ICE2: variants seen among roughly 807,000 people sequenced by gnomAD.
The protein encoded by ICE2 is little elongation complex subunit 2.
A neutral mutation model predicts 105.4 loss-of-function variants in ICE2; 87 were observed. The ratio of observed to expected loss-of-function variants is 0.83; its 90% CI spans 0.69 to 0.99. The LOEUF is 0.99. Among genes scored for constraint, ICE2 ranks in the 50% least tolerant of loss-of-function variants. The pLI, the probability that ICE2 is intolerant of heterozygous loss-of-function variation, is 0.00. For synonymous variants in ICE2, 399 were observed against 392.0 expected, an observed-to-expected ratio of 1.02 and a Z score of -0.21; for missense variants, 1,323 against 1,146.7, an observed-to-expected ratio of 1.15 and a Z score of -2.22.
intron 7 of ICE2, 81 bp downstream of exon 7, chr15:60,455,245 A>G: frequency 6.6e-7 from 1 of 1,515,792 alleles, no homozygotes; most frequent in South Asian, 1.2e-5. Context: ...CAGAAAGGGG[A>G]CTTTGGGACA....
At chr15:60,424,239 A>G (rs1262102279) in intron 15 of ICE2, among the ~76,000 whole-genome samples, 3 of 152,070 alleles carry the variant, frequency 2.0e-5, no homozygotes, top group Admixed American at 6.6e-5. Context: ...GAAGATAAGG[A>G]AAGAAAATTG....
intron 2 of ICE2, 104 bp downstream of exon 2, chr15:60,477,833 T>C (rs1265585626): frequency 5.8e-6 from 6 of 1,031,320 alleles, no homozygotes; most frequent in Non-Finnish European, 9.2e-6. Context: ...ACTTGTATTT[T>C]CTGTTTCCTC....
chr15:60,478,265 G>T (rs886366924), intron 1 of ICE2, among the ~76,000 whole-genome samples, 196 bp from the exon 2 acceptor site: 1 of 152,136 alleles, frequency 6.6e-6, no homozygotes, highest in African/African-American at 2.4e-5. Context: ...TTTAATCTAC[G>T]CCGGGAGTGT....
At position 60,458,599 on chromosome 15, in the gene ICE2, A is replaced by G. The variant is rs149444010; in HGVS notation, c.529-1805T>C. Among the ~76,000 whole-genome samples, 6 of 152,290 alleles carry G rather than the reference A, an allele frequency of 3.9e-5. No homozygotes were observed. In the East Asian group the frequency reaches 1.2e-3, roughly 29 times the overall value. ...GTGGGAAGCGAAACGTAAGACTTCT[A>G]CATTTAAGCAGGGATTTGAACAGAT... On this transcript the variant is annotated intron_variant, in intron 5 of 15. Coordinates refer to ENST00000261520, the MANE Select transcript of ICE2 (RefSeq NM_024611.6).
chr15:60,435,883 G>C (rs1051570605), intron 13 of ICE2, among the ~76,000 whole-genome samples: 3 of 151,848 alleles, frequency 2.0e-5, no homozygotes, highest in Non-Finnish European at 2.9e-5. Context: ...TGAGGTGGGA[G>C]GATCCCTTGA....
Position 60,421,396 on chromosome 15 carries a change from A to T in ICE2, c.*2238T>A, listed in dbSNP as rs2063241453. The T allele has an allele frequency of 6.6e-6, 1 of 152,090 alleles. No individual in the cohort carries two copies. The highest frequency in any genetic ancestry group is 6.6e-5 in the Admixed American group (1 of 15,260). The allele number at this position is 152,090 out of a possible 1,614,324, so 9.4% of individuals were successfully genotyped here. A position where few individuals can be genotyped will look rare whatever the true frequency, so the allele number is the denominator to read the frequency against. On this transcript the variant is annotated 3_prime_UTR_variant, in exon 16 of 16. Transcript: ENST00000261520. The stretch of plus-strand genomic sequence containing the variant: ...ATTGTCAGTTACTTCTTGGCTTATA[A>T]ATTCTCAGTACTAAAAATCAAGAAA...
In ICE2 at chr15:60,468,918, T is replaced by C. The variant is rs564840771; in HGVS notation, c.147-596A>G. 1.7e-3 allele frequency among the ~76,000 whole-genome samples: 261 copies of C among 152,342 alleles called. 1 individual carries two copies. Among genetic ancestry groups the C allele is most frequent in the African/African-American group, 6.0e-3 (250 of 41,574 alleles). On this transcript the variant is annotated intron_variant, in intron 3 of 15. Transcript: ENST00000261520. Reference sequence around the variant, plus strand: ...TCACTCTGGTACATGGCTGAGTTCATGGAAATGACTTTATGCTTTTCATGG... The same window carrying C: ...TCACTCTGGTACATGGCTGAGTTCACGGAAATGACTTTATGCTTTTCATGG...
Position 60,454,017 on chromosome 15 carries a change from G to T in ICE2, c.944-233C>A, listed in dbSNP as rs530703356. Among the ~76,000 whole-genome samples, 38 of 151,978 alleles carry T rather than the reference G, an allele frequency of 2.5e-4. No individual in the cohort carries two copies. In the South Asian group the frequency reaches 5.8e-3, roughly 23 times the overall value. On this transcript the variant is annotated intron_variant, in intron 8 of 15. Transcript: ENST00000261520. ...TGTCTTTCTAGCAATGTTTAAAAAGGATTTTCTGGTTTTTACTATTATATT... is the reference window on the plus strand; with the variant it reads ...TGTCTTTCTAGCAATGTTTAAAAAGTATTTTCTGGTTTTTACTATTATATT...
At chr15:60,438,971 T>C (rs1167527185) in intron 12 of ICE2, 1 of 152,224 alleles carries the variant, frequency 6.6e-6, no homozygotes, top group Non-Finnish European at 1.5e-5. Flanking sequence ...AAATAAAATC[T>C]ATACATAATA....
Position 60,449,449 on chromosome 15 carries a change from A to C in ICE2, c.1518T>G (p.Ser506Arg). Residue 506 changes from serine (S) to arginine (R), a missense_variant, in exon 10 of 16, where the codon AGT becomes AGG. Physicochemically the swap from Ser to Arg is moderately radical, Grantham distance 110. Coordinates refer to ENST00000261520, the MANE Select transcript of ICE2 (RefSeq NM_024611.6). ...SNSDKPLIQD[S>R]DLKTSDALQL... ...GTAAGGCATCAGATGTTTTCAAGTCACTATCTTGTATCAAAGGCTTGTCAG... is the reference window on the plus strand; with the variant it reads ...GTAAGGCATCAGATGTTTTCAAGTCCCTATCTTGTATCAAAGGCTTGTCAG... 1 of 1,614,096 alleles carries C rather than the reference A, an allele frequency of 6.2e-7. No individual in the cohort carries two copies. Among genetic ancestry groups the C allele is most frequent in the East Asian group, 2.2e-5 (1 of 44,886 alleles).
chr15:60,444,425 G>A (rs1352015524), intron 11 of ICE2, among the ~76,000 whole-genome samples: 1 of 151,974 alleles, frequency 6.6e-6, no homozygotes, highest in Non-Finnish European at 1.5e-5. Context: ...TCCCAAAATT[G>A]AAGTAAAAAT....
intron 5 of ICE2, 58 bp downstream of exon 5, chr15:60,466,536 A>C: frequency 6.3e-7 from 1 of 1,586,310 alleles, no homozygotes; most frequent in South Asian, 1.2e-5. Context: ...CACATATTTC[A>C]GAATGCTGCT....
chr15:60,430,000 A>C lies in ICE2; in HGVS notation c.2562-1313T>G, dbSNP rs2063420914. ...TGTCTAATGTACATAGATGAATATAAGCTATGGTAGACAGAATAGTGGCCT... is the reference window on the plus strand; with the variant it reads ...TGTCTAATGTACATAGATGAATATACGCTATGGTAGACAGAATAGTGGCCT... On this transcript the variant is annotated intron_variant, in intron 14 of 15. Coordinates refer to ENST00000261520, the MANE Select transcript of ICE2 (RefSeq NM_024611.6). 2.0e-5 allele frequency among the ~76,000 whole-genome samples: 3 copies of C among 152,200 alleles called. No individual in the cohort carries two copies. In the South Asian group the frequency reaches 6.2e-4, roughly 31 times the overall value.
At chr15:60,469,056 G>T (rs1252205281) in intron 3 of ICE2, among the ~76,000 whole-genome samples, 1 of 152,152 alleles carries the variant, frequency 6.6e-6, no homozygotes, top group Non-Finnish European at 1.5e-5. Context: ...AAGGTTGTTA[G>T]AATCACAATG....
Position 60,428,346 on chromosome 15 carries a change from A to T in ICE2, c.2820+83T>A. 2.2e-6 allele frequency: 3 copies of T among 1,383,178 alleles called. No individual in the cohort carries two copies. In the South Asian group the frequency reaches 4.0e-5, roughly 18 times the overall value. The allele number at this position is 1,383,178 out of a possible 1,614,324, so 85.7% of individuals were successfully genotyped here. A position where few individuals can be genotyped will look rare whatever the true frequency, so the allele number is the denominator to read the frequency against. On this transcript the variant is annotated intron_variant, in intron 15 of 15. Coordinates refer to ENST00000261520, the MANE Select transcript of ICE2 (RefSeq NM_024611.6). ...CTGTGATTAATATGACAATGAGAAC[A>T]TCAGGGTGAAATACGGTAAAGTCAG...
chr15:60,425,796 T>C (rs1253925916), intron 15 of ICE2, among the ~76,000 whole-genome samples: 1 of 152,204 alleles, frequency 6.6e-6, no homozygotes, highest in Non-Finnish European at 1.5e-5. Flanking sequence ...CCATTGCTGC[T>C]AAAACTAGAA....
intron 5 of ICE2, among the ~76,000 whole-genome samples, chr15:60,458,231 T>C (rs1222775663): frequency 6.6e-6 from 1 of 152,160 alleles, no homozygotes; most frequent in Non-Finnish European, 1.5e-5. Flanking sequence ...TATCTTTCTT[T>C]GAAAAATAAC....
intron 14 of ICE2, 78 bp downstream of exon 14, chr15:60,431,854 CAG>C: frequency 1.3e-6 from 1 of 760,974 alleles, no homozygotes; most frequent in Non-Finnish European, 2.2e-6. Flanking sequence ...CTATTCCTAA[CAG>C]TACATTTTCA....
At chr15:60,444,113 G>C (rs1041122002) in intron 11 of ICE2, among the ~76,000 whole-genome samples, 4 of 152,024 alleles carry the variant, frequency 2.6e-5, no homozygotes. Context: ...TTTAAAAAAA[G>C]AATGAATGAA....
Sources: gnomAD v4.1 joint callset for allele counts (sites outside exome capture counted in the v4.1 genomes callset) on GRCh38, gnomAD v4.1.1 for gene constraint, MANE v1.5 for transcripts, NCBI Gene and HGNC (gene_info 2026-07-23, HGNC 2026-07-21) for gene names.